Variants in CTNNA3 observed in about 807,000 individuals in gnomAD.
The protein encoded by CTNNA3 is catenin alpha 3, also known as catenin alpha-3.
In CTNNA3, 76 loss-of-function variants were observed where a neutral mutation model predicts 95.7. That is an observed-to-expected ratio of 0.79 (90% CI 0.66 to 0.96). The LOEUF (loss-of-function observed/expected upper bound fraction) is 0.96. CTNNA3 is among the 40% of genes least tolerant of loss of function. CTNNA3 has a pLI of 0.00. For synonymous variants in CTNNA3, 431 were observed against 374.4 expected (o/e 1.15, Z -1.74); for missense variants, 1,191 against 1,089.8 (o/e 1.09, Z -1.31).
intron 10 of CTNNA3, among the ~76,000 whole-genome samples, chr10:66,589,496 A>T (rs546802782): frequency 2.6e-5 from 4 of 151,958 alleles, no homozygotes; most frequent in Non-Finnish European, 4.4e-5. Context: ...TACTATAAAC[A>T]CCCATGGTTG....
intron 7 of CTNNA3, among the ~76,000 whole-genome samples, chr10:66,912,118 G>A (rs1209791577): frequency 6.6e-6 from 1 of 152,100 alleles, no homozygotes; most frequent in African/African-American, 2.4e-5. Flanking sequence ...ATCATCAGAA[G>A]ATTACAGATT....
chr10:67,467,261 T>C (rs1422737878), intron 5 of CTNNA3, among the ~76,000 whole-genome samples: 1 of 152,218 alleles, frequency 6.6e-6, no homozygotes, highest in African/African-American at 2.4e-5. Context: ...TGAGCATGGC[T>C]AGTTAAGTTT....
At chr10:67,121,524 C>T (rs146713033) in intron 7 of CTNNA3, among the ~76,000 whole-genome samples, 127 of 152,130 alleles carry the variant, frequency 8.3e-4, no homozygotes, top group African/African-American at 2.9e-3. Context: ...AGATTCATTC[C>T]TCTAAGATAA....
chr10:67,010,338 T>C (rs544859708), intron 7 of CTNNA3, among the ~76,000 whole-genome samples: 62 of 152,324 alleles, frequency 4.1e-4, no homozygotes, highest in Middle Eastern at 3.4e-3. Flanking sequence ...TCCAACAATG[T>C]TTTAAAATTG....
At chr10:67,634,954 G>A (rs1056423976) in intron 2 of CTNNA3, among the ~76,000 whole-genome samples, 7 of 152,082 alleles carry the variant, frequency 4.6e-5, no homozygotes, top group Non-Finnish European at 8.8e-5. Context: ...TCTGGATCAA[G>A]TAGACCTAAT....
At chr10:67,376,972 G>A (rs533624320) in intron 5 of CTNNA3, among the ~76,000 whole-genome samples, 11 of 152,238 alleles carry the variant, frequency 7.2e-5, no homozygotes, top group East Asian at 5.8e-4. Context: ...TCTGCTCAGC[G>A]CCATCCAAGC....
chr10:67,559,858 G>T (rs142702623), intron 3 of CTNNA3, among the ~76,000 whole-genome samples: 1 of 151,952 alleles, frequency 6.6e-6, no homozygotes, highest in Non-Finnish European at 1.5e-5. Context: ...CTCAGGAGCC[G>T]ATGCGATCAA....
chr10:67,474,529 T>C (rs1847934970), intron 5 of CTNNA3, among the ~76,000 whole-genome samples: 1 of 152,202 alleles, frequency 6.6e-6, no homozygotes, highest in Non-Finnish European at 1.5e-5. Context: ...AAATTTCTGC[T>C]GTTTAAGCCA....
At chr10:66,068,590 T>G (rs1040874710) in intron 15 of CTNNA3, among the ~76,000 whole-genome samples, 1 of 152,190 alleles carries the variant, frequency 6.6e-6, no homozygotes, top group African/African-American at 2.4e-5. Context: ...ACATGAATAC[T>G]ACATGGTAAT....
intron 7 of CTNNA3, among the ~76,000 whole-genome samples, chr10:66,894,945 T>A (rs571855201): frequency 3.1e-4 from 47 of 149,674 alleles, no homozygotes; most frequent in African/African-American, 1.1e-3. Context: ...TAGAAAATGA[T>A]CAGAGCATTT....
intron 3 of CTNNA3, among the ~76,000 whole-genome samples, chr10:67,591,879 A>G (rs1406588621): frequency 6.7e-6 from 1 of 150,344 alleles, no homozygotes; most frequent in Admixed American, 6.6e-5. Context: ...ATGAAGGCAT[A>G]TTATAATAAT....
At chr10:67,549,442 C>G (rs888080340) in intron 3 of CTNNA3, among the ~76,000 whole-genome samples, 3 of 152,164 alleles carry the variant, frequency 2.0e-5, no homozygotes, top group African/African-American at 4.8e-5. Context: ...TAAAAGCAAA[C>G]TCTGAGCTAT....
intron 11 of CTNNA3, among the ~76,000 whole-genome samples, chr10:66,500,996 C>T (rs890678551): frequency 4.6e-5 from 7 of 152,016 alleles, no homozygotes; most frequent in Non-Finnish European, 8.8e-5. Flanking sequence ...TGCCCTAATG[C>T]GATGAAAGCC....
intron 9 of CTNNA3, among the ~76,000 whole-genome samples, chr10:66,646,826 T>G (rs7079101): frequency 6.6e-6 from 1 of 151,832 alleles, no homozygotes; most frequent in African/African-American, 2.4e-5. Flanking sequence ...TAAAAGCATT[T>G]GTGACTGAAG....
intron 7 of CTNNA3, among the ~76,000 whole-genome samples, chr10:66,955,499 A>G (rs1848739626): frequency 6.6e-6 from 1 of 152,166 alleles, no homozygotes; most frequent in Non-Finnish European, 1.5e-5. Context: ...AAGTCGAGGG[A>G]GACAGAATTC....
At chr10:66,540,233 CTCTG>C (rs1339124296) in intron 10 of CTNNA3, among the ~76,000 whole-genome samples, 1 of 152,024 alleles carries the variant, frequency 6.6e-6, no homozygotes. Context: ...AAAACTAATT[CTCTG>C]TCTATGAAAA....
chr10:67,737,015 G>A (rs1841306732), intron 1 of CTNNA3, among the ~76,000 whole-genome samples: 1 of 151,924 alleles, frequency 6.6e-6, no homozygotes, highest in South Asian at 2.1e-4. Flanking sequence ...CCAGCCTGGA[G>A]TGCAATGGCA....
intron 11 of CTNNA3, among the ~76,000 whole-genome samples, chr10:66,487,650 A>G (rs1839785942): frequency 6.6e-6 from 1 of 152,174 alleles, no homozygotes; most frequent in African/African-American, 2.4e-5. Flanking sequence ...ATGTTATCAA[A>G]TCATCATGCT....
At chr10:66,577,040 T>C (rs889809780) in intron 10 of CTNNA3, among the ~76,000 whole-genome samples, 1 of 131,962 alleles carries the variant, frequency 7.6e-6, no homozygotes, top group Non-Finnish European at 1.8e-5. Context: ...TGATGTGAGA[T>C]AGTATCTCAT....
Sources: allele counts gnomAD v4.1 joint callset (sites outside exome capture counted in the v4.1 genomes callset), GRCh38; gene constraint gnomAD v4.1.1; transcripts MANE v1.5; gene names NCBI Gene and HGNC (gene_info 2026-07-23, HGNC 2026-07-21).